Variants in HS6ST3 observed in about 807,000 individuals in gnomAD.
The protein encoded by HS6ST3 is heparan sulfate 6-O-sulfotransferase 3, also known as heparan-sulfate 6-O-sulfotransferase 3.
Under a neutral mutation model 36.7 loss-of-function variants are expected in HS6ST3, and 12 were observed. The observed-to-expected ratio is 0.33, with a 90% CI of 0.21 to 0.53. The LOEUF (loss-of-function observed/expected upper bound fraction) is 0.53. Ranked by LOEUF, HS6ST3 falls within the 20% of genes least tolerant of loss-of-function variation. The probability of loss-of-function intolerance (pLI) is 0.95; values close to 1 mark genes in which losing one functional copy is unlikely to be tolerated. For synonymous variants in HS6ST3, 240 were observed against 257.5 expected (o/e 0.93, Z 0.65); for missense variants, 584 against 640.9 (o/e 0.91, Z 0.96).
intron 1 of HS6ST3, among the ~76,000 whole-genome samples, chr13:96,799,433 A>G (rs7331591): frequency 0.089 from 13,474 of 152,150 alleles, 697 homozygotes; most frequent in African/African-American, 0.14. Context: ...CACATACACC[A>G]TGGAATACTA....
chr13:96,142,533 A>G (rs1245072628), intron 1 of HS6ST3, among the ~76,000 whole-genome samples: 1 of 152,170 alleles, frequency 6.6e-6, no homozygotes, highest in East Asian at 1.9e-4. Flanking sequence ...ATCATATTCA[A>G]TCTAGTAGTA....
chr13:96,612,442 T>C (rs2056460067), intron 1 of HS6ST3, among the ~76,000 whole-genome samples: 4 of 152,130 alleles, frequency 2.6e-5, no homozygotes, highest in Admixed American at 2.6e-4. Flanking sequence ...CTCACTCATT[T>C]CCCAATTTCA....
chr13:96,661,252 A>G (rs1405705043), intron 1 of HS6ST3, among the ~76,000 whole-genome samples: 1 of 152,072 alleles, frequency 6.6e-6, no homozygotes, highest in Non-Finnish European at 1.5e-5. Context: ...GTCCCCCACC[A>G]TTATTGTATT....
chr13:96,247,256 A>T (rs2054588980), intron 1 of HS6ST3, among the ~76,000 whole-genome samples: 1 of 151,980 alleles, frequency 6.6e-6, no homozygotes, highest in Admixed American at 6.6e-5. Flanking sequence ...GGTAATTGGT[A>T]GGGGAAATTC....
chr13:96,182,683 C>T (rs529743111), intron 1 of HS6ST3, among the ~76,000 whole-genome samples: 1 of 152,306 alleles, frequency 6.6e-6, no homozygotes, highest in South Asian at 2.1e-4. Context: ...GCAGACATAG[C>T]ATCAAATGTA....
rs2055177153 is a variant in HS6ST3, at chr13:96,350,660, C to T, written c.707+259091C>T. Among the ~76,000 whole-genome samples, 5 of 152,274 alleles carry T rather than the reference C, an allele frequency of 3.3e-5. No homozygotes were observed. The South Asian group carries it at 1.0e-3, about 32-fold the overall frequency. ...CTGAACAACTGTAGGAAATAATGAT[C>T]CTTTTACTTTACCTAGTTGTTATTT... On this transcript the variant is annotated intron_variant, in intron 1 of 1. Transcript: ENST00000376705.
At chr13:96,573,748 G>C in intron 1 of HS6ST3, 2 of 333,780 alleles carry the variant, frequency 6.0e-6, no homozygotes, top group South Asian at 2.5e-5. Flanking sequence ...GCCGTCCCCA[G>C]CCCTAGGTCA....
Position 96,520,100 on chromosome 13 carries a change from G to A in HS6ST3, c.708-312390G>A, listed in dbSNP as rs918762045. 3.9e-5 allele frequency among the ~76,000 whole-genome samples: 6 copies of A among 152,200 alleles called. No individual in the cohort carries two copies. In the South Asian group the frequency reaches 1.0e-3, roughly 26 times the overall value. Reference sequence around the variant, plus strand: ...ATGGTTAGCCAGTTTTCCCAACACCGTTTATTAAACAGGGAATCTTTTCCC... The same window carrying A: ...ATGGTTAGCCAGTTTTCCCAACACCATTTATTAAACAGGGAATCTTTTCCC... On this transcript the variant is annotated intron_variant, in intron 1 of 1. Coordinates refer to ENST00000376705, the MANE Select transcript of HS6ST3 (RefSeq NM_153456.4).
chr13:96,520,689 T>C (rs966795111), intron 1 of HS6ST3, among the ~76,000 whole-genome samples: 1 of 152,234 alleles, frequency 6.6e-6, no homozygotes, highest in African/African-American at 2.4e-5. Context: ...TTTTTGCACA[T>C]TGATTTTATA....
chr13:96,466,595 A>G (rs2055815262), intron 1 of HS6ST3, among the ~76,000 whole-genome samples: 1 of 152,300 alleles, frequency 6.6e-6, no homozygotes, highest in Non-Finnish European at 1.5e-5. Context: ...TGTAGTCACA[A>G]ATGTCAGGAT....
At chr13:96,754,804 A>G (rs1594852544) in intron 1 of HS6ST3, among the ~76,000 whole-genome samples, 2 of 152,248 alleles carry the variant, frequency 1.3e-5, no homozygotes, top group South Asian at 2.1e-4. Flanking sequence ...TAATTTCAAT[A>G]AAGTAGTCTA....
Position 96,330,371 on chromosome 13 carries a change from A to G in HS6ST3, c.707+238802A>G, listed in dbSNP as rs576696829. Among the ~76,000 whole-genome samples the G allele has an allele frequency of 2.5e-4, 38 of 149,590 alleles. No homozygotes were observed. In the East Asian group the frequency reaches 6.8e-3, roughly 27 times the overall value. ...CTTCCTTCAGGAGCTCTTTTAGGGC[A>G]GGCCTGGTGGTGACAAAATCTCTCA... is the stretch of plus-strand genomic sequence containing the variant. On this transcript the variant is annotated intron_variant, in intron 1 of 1. Coordinates refer to ENST00000376705, the MANE Select transcript of HS6ST3 (RefSeq NM_153456.4).
At chr13:96,787,148 C>T (rs1389887225) in intron 1 of HS6ST3, among the ~76,000 whole-genome samples, 1 of 152,056 alleles carries the variant, frequency 6.6e-6, no homozygotes, top group African/African-American at 2.4e-5. Flanking sequence ...TGGATTGTTT[C>T]CAGTTTTTAA....
chr13:96,633,218 T>C (rs1294929006), intron 1 of HS6ST3, among the ~76,000 whole-genome samples: 1 of 152,090 alleles, frequency 6.6e-6, no homozygotes, highest in Non-Finnish European at 1.5e-5. Context: ...GGAACATAAA[T>C]GGGAGGCATA....
intron 1 of HS6ST3, among the ~76,000 whole-genome samples, chr13:96,125,947 C>T (rs530456958): frequency 4.2e-4 from 64 of 151,950 alleles, no homozygotes; most frequent in Admixed American, 1.6e-3. Flanking sequence ...TACCCCACAA[C>T]AGTCCCCAGA....
chr13:96,431,333 T>C (rs2055614847), intron 1 of HS6ST3, among the ~76,000 whole-genome samples: 1 of 152,278 alleles, frequency 6.6e-6, no homozygotes, highest in Admixed American at 6.5e-5. Flanking sequence ...GGCTTTTCTC[T>C]TTCCTCTTTC....
intron 1 of HS6ST3, among the ~76,000 whole-genome samples, chr13:96,580,970 A>G (rs2056339889): frequency 6.6e-6 from 1 of 152,198 alleles, no homozygotes; most frequent in Non-Finnish European, 1.5e-5. Flanking sequence ...GATAGAATCA[A>G]ATTTACCTGT....
At chr13:96,739,226 TG>T (rs1566442198) in intron 1 of HS6ST3, among the ~76,000 whole-genome samples, 11 of 74,998 alleles carry the variant, frequency 1.5e-4, no homozygotes, top group African/African-American at 5.9e-4. Context: ...TGCTTGTGTG[TG>T]TGTGTGTGTG....
chr13:96,795,154 C>T (rs950141136), intron 1 of HS6ST3, among the ~76,000 whole-genome samples: 1 of 152,096 alleles, frequency 6.6e-6, no homozygotes, highest in Non-Finnish European at 1.5e-5. Context: ...TCAAACCTTT[C>T]ACTCTTTTTT....
Sources: gnomAD v4.1 joint callset for allele counts (sites outside exome capture counted in the v4.1 genomes callset) on GRCh38, gnomAD v4.1.1 for gene constraint, MANE v1.5 for transcripts, NCBI Gene and HGNC (gene_info 2026-07-23, HGNC 2026-07-21) for gene names.